ZMYND8: variants seen among roughly 807,000 people sequenced by gnomAD.
ZMYND8 encodes the protein MYND-type zinc finger-containing chromatin reader ZMYND8.
ZMYND8 carries 37 observed loss-of-function variants against 140.8 expected under a neutral mutation model. That is an observed-to-expected ratio of 0.26 (90% confidence interval 0.20 to 0.35). ZMYND8 has a LOEUF of 0.35. ZMYND8 is among the 10% of genes least tolerant of loss of function. The pLI is 1.00. For synonymous variants in ZMYND8, 592 were observed against 597.1 expected, an observed-to-expected ratio of 0.99 and a Z score of 0.12; for missense variants, 1,068 against 1,570.0, an observed-to-expected ratio of 0.68 and a Z score of 5.40.
intron 11 of ZMYND8, among the ~76,000 whole-genome samples, chr20:47,271,629 G>A (rs2075953076): frequency 6.6e-6 from 1 of 152,142 alleles, no homozygotes; most frequent in Non-Finnish European, 1.5e-5. Context: ...AAAAGCGCTG[G>A]AAACACAATC....
chr20:47,279,407 CA>C (rs1455774720), intron 10 of ZMYND8, among the ~76,000 whole-genome samples: 5 of 152,036 alleles, frequency 3.3e-5, no homozygotes, highest in Non-Finnish European at 5.9e-5. Context: ...CACTGCACTC[CA>C]GCCTGGGCAA....
At chr20:47,225,606 G>GAA (rs2037604194) in intron 18 of ZMYND8, among the ~76,000 whole-genome samples, 7 of 38,806 alleles carry the variant, frequency 1.8e-4, no homozygotes, top group African/African-American at 8.6e-4. Flanking sequence ...AGGAGGGGAT[G>GAA]GGAGGGGAAT....
intron 16 of ZMYND8, among the ~76,000 whole-genome samples, chr20:47,232,233 G>A (rs1249482605): frequency 6.6e-6 from 1 of 152,150 alleles, no homozygotes; most frequent in Non-Finnish European, 1.5e-5. Flanking sequence ...TTAGCCAGGT[G>A]TGGTGGTCAG....
At chr20:47,356,421 G>A in intron 1 of ZMYND8, 2 of 1,537,828 alleles carry the variant, frequency 1.3e-6, no homozygotes, top group South Asian at 1.2e-5. Context: ...CCATGCCCTG[G>A]TGGAAGGAAA....
At position 47,298,387 on chromosome 20, in the gene ZMYND8, A is replaced by C. The variant is rs1348829334; in HGVS notation, c.453+342T>G. The C allele has an allele frequency of 4.1e-6, 4 of 985,416 alleles. No homozygotes were observed. Among genetic ancestry groups the C allele is most frequent in the Non-Finnish European group, 4.8e-6 (4 of 829,938 alleles). 61.0% of individuals were successfully genotyped at this position (985,416 alleles called of 1,614,324 possible). ...ACAACATCCAAGACGGAGAAAACAG[A>C]ATGAGATCTTTTCAAAATGTGTGAG... is the stretch of plus-strand genomic sequence containing the variant. On this transcript the variant is annotated intron_variant, in intron 4 of 22. Coordinates refer to ENST00000471951, the MANE Select transcript of ZMYND8 (RefSeq NM_001281775.3). This position sits in a 1 kb window ranked among gnomAD's most constrained non-coding sequence, Gnocchi z 5.0.
intron 2 of ZMYND8, among the ~76,000 whole-genome samples, chr20:47,325,141 G>A (rs1341427119): frequency 2.6e-5 from 4 of 152,174 alleles, no homozygotes; most frequent in Non-Finnish European, 5.9e-5. Flanking sequence ...CTGACCTCAG[G>A]TGATTCACCC....
At chr20:47,343,957 CTTTTTTTT>C (rs750832298) in intron 2 of ZMYND8, among the ~76,000 whole-genome samples, 4 of 119,962 alleles carry the variant, frequency 3.3e-5, no homozygotes, top group South Asian at 2.9e-4. Context: ...AGTGATAAAT[CTTTTTTTT>C]TTTTTTTTTT....
At chr20:47,266,959 T>C (rs1295928029) in intron 11 of ZMYND8, among the ~76,000 whole-genome samples, 2 of 152,138 alleles carry the variant, frequency 1.3e-5, no homozygotes, top group African/African-American at 4.8e-5. Flanking sequence ...TGGATACGAA[T>C]GTGCACAAGC....
At chr20:47,277,110 T>A (rs1236519352) in intron 10 of ZMYND8, among the ~76,000 whole-genome samples, 2 of 152,202 alleles carry the variant, frequency 1.3e-5, no homozygotes, top group African/African-American at 4.8e-5. Context: ...AGCCACTGCA[T>A]CTGACAACAC....
chr20:47,315,532 G>GC (rs2079313588), intron 2 of ZMYND8, among the ~76,000 whole-genome samples: 1 of 152,096 alleles, frequency 6.6e-6, no homozygotes, highest in South Asian at 2.1e-4. Context: ...TTACTTAAAT[G>GC]CCCCCCACTC....
intron 21 of ZMYND8, among the ~76,000 whole-genome samples, chr20:47,219,553 A>G (rs1038821159): frequency 6.6e-6 from 1 of 151,806 alleles, no homozygotes; most frequent in South Asian, 2.1e-4. Context: ...CATCAGGCAG[A>G]AAGGTCCTGG....
chr20:47,226,733 C>T (rs1310673744), intron 18 of ZMYND8, among the ~76,000 whole-genome samples: 1 of 152,178 alleles, frequency 6.6e-6, no homozygotes, highest in Non-Finnish European at 1.5e-5. Flanking sequence ...TAGTTAAGTG[C>T]ACTGCAGCCT....
chr20:47,313,227 A>G lies in ZMYND8; in HGVS notation c.86-3023T>C, dbSNP rs936565780. Among the ~76,000 whole-genome samples the G allele has an allele frequency of 3.4e-5, 3 of 88,790 alleles. No homozygotes were observed. The African/African-American group carries it at 4.2e-4, about 12-fold the overall frequency. The allele number at this position is 88,790 out of a possible 152,430, so 58.2% of individuals were successfully genotyped here. ...AAAAGGAGAGACACTGTCTCTGAAA[A>G]AAAAAAAAAAAAATTTAATTATAAA... is the stretch of plus-strand genomic sequence containing the variant. On this transcript the variant is annotated intron_variant, in intron 2 of 22. Coordinates refer to ENST00000471951, the MANE Select transcript of ZMYND8 (RefSeq NM_001281775.3).
At chr20:47,253,956 G>A (rs1361614101) in intron 12 of ZMYND8, among the ~76,000 whole-genome samples, 1 of 152,224 alleles carries the variant, frequency 6.6e-6, no homozygotes, top group South Asian at 2.1e-4. Flanking sequence ...ATGGCTAGGG[G>A]CTGGGCCCAG....
intron 16 of ZMYND8, among the ~76,000 whole-genome samples, chr20:47,235,637 G>A (rs1365700477): frequency 6.6e-6 from 1 of 151,920 alleles, no homozygotes; most frequent in Non-Finnish European, 1.5e-5. Context: ...AACCCAGGAG[G>A]CGGAGGTTGC....
intron 15 of ZMYND8, 26 bp downstream of exon 15, chr20:47,238,732 G>A (rs1045836147): frequency 5.0e-6 from 8 of 1,595,708 alleles, no homozygotes; most frequent in East Asian, 2.3e-5. Context: ...CGGGCGCCAC[G>A]GAGAACAGAA....
chr20:47,345,977 C>T (rs2082302890), intron 2 of ZMYND8, among the ~76,000 whole-genome samples: 2 of 152,074 alleles, frequency 1.3e-5, no homozygotes, highest in African/African-American at 2.4e-5. Context: ...GTTTTTGAAG[C>T]GCATTCTGGC....
At chr20:47,284,291 C>T (rs568469449) in intron 8 of ZMYND8, among the ~76,000 whole-genome samples, 1 of 152,220 alleles carries the variant, frequency 6.6e-6, no homozygotes, top group Admixed American at 6.5e-5. Flanking sequence ...CAGTGACTTC[C>T]CATTATACCC....
At chr20:47,282,759 A>G (rs1206537719) in intron 9 of ZMYND8, among the ~76,000 whole-genome samples, 5 of 151,804 alleles carry the variant, frequency 3.3e-5, no homozygotes, top group African/African-American at 1.2e-4. Flanking sequence ...AGATGAGAAA[A>G]CCAGGGTTGG....
Sources: gnomAD v4.1 joint callset for allele counts (sites outside exome capture counted in the v4.1 genomes callset) on GRCh38, gnomAD v4.1.1 for gene constraint, Gnocchi (gnomAD v3.1) non-coding constraint, MANE v1.5 for transcripts, NCBI Gene and HGNC (gene_info 2026-07-23, HGNC 2026-07-21) for gene names.